SLC4A5: variants seen among roughly 807,000 people sequenced by gnomAD.
SLC4A5 encodes the protein electrogenic sodium bicarbonate cotransporter 4.
SLC4A5 carries 96 observed loss-of-function variants against 120.4 expected under a neutral mutation model. The observed-to-expected ratio is 0.80, with a 90% CI of 0.68 to 0.94. The LOEUF (loss-of-function observed/expected upper bound fraction) is 0.94, where lower values mean the gene tolerates loss of function less well. Among genes scored for constraint, SLC4A5 ranks in the 40% least tolerant of loss-of-function variants. The pLI is 0.00. For synonymous variants in SLC4A5, 550 were observed against 571.1 expected (o/e 0.96, Z 0.53); for missense variants, 1,259 against 1,459.5 (o/e 0.86, Z 2.24).
intron 19 of SLC4A5, among the ~76,000 whole-genome samples, chr2:74,246,096 G>A (rs1356008990): frequency 3.9e-5 from 6 of 152,224 alleles, no homozygotes; most frequent in Admixed American, 3.9e-4. Context: ...CCCACTGAAA[G>A]CTCTTAGGGG....
At chr2:74,294,187 T>G (rs1262421055) in intron 7 of SLC4A5, among the ~76,000 whole-genome samples, 5 of 152,118 alleles carry the variant, frequency 3.3e-5, no homozygotes. Context: ...GAAATTCAGG[T>G]AAGAGATCCC....
intron 12 of SLC4A5, among the ~76,000 whole-genome samples, chr2:74,256,809 T>C (rs1270327354): frequency 1.3e-5 from 2 of 152,226 alleles, no homozygotes; most frequent in Non-Finnish European, 2.9e-5. Flanking sequence ...AGCAAGGGCA[T>C]GGACAGACAA....
At chr2:74,242,084 C>G in intron 19 of SLC4A5, 32 bp from the exon 20 acceptor site, 1 of 1,592,746 alleles carries the variant, frequency 6.3e-7, no homozygotes, top group Non-Finnish European at 8.6e-7. Context: ...GGGGCAGGGT[C>G]AGCAGCTGTG....
exon 16 of SLC4A5, chr2:74,252,369 C>T (rs566298347): frequency 5.0e-6 from 8 of 1,613,352 alleles, no homozygotes; most frequent in Non-Finnish European, 6.8e-6. Context: ...CCCAGCTCTG[C>T]TAGGGAGAAC....
chr2:74,232,608 T>C (rs368472817), exon 24 of SLC4A5: 36 of 1,613,712 alleles, frequency 2.2e-5, no homozygotes, highest in Non-Finnish European at 2.7e-5. Flanking sequence ...GCCATGAGGA[T>C]GCCCACCCAG....
chr2:74,250,956 C>G (rs1440332254), intron 16 of SLC4A5, among the ~76,000 whole-genome samples: 1 of 152,170 alleles, frequency 6.6e-6, no homozygotes, highest in East Asian at 1.9e-4. Flanking sequence ...AACCTTATAA[C>G]TGGTTGGTAT....
chr2:74,314,639 A>G (rs1672906809), intron 6 of SLC4A5, among the ~76,000 whole-genome samples: 2 of 152,164 alleles, frequency 1.3e-5, no homozygotes, highest in Admixed American at 1.3e-4. Context: ...TTAATATAAA[A>G]TGTTGATATT....
chr2:74,301,695 G>C (rs939718869), intron 7 of SLC4A5, among the ~76,000 whole-genome samples: 1 of 152,228 alleles, frequency 6.6e-6, no homozygotes, highest in Non-Finnish European at 1.5e-5. Context: ...TGTGGCAAGA[G>C]CAAGGTTTAT....
At position 74,272,012 on chromosome 2, in the gene SLC4A5, G is replaced by C. The variant is rs115104980; in HGVS notation, c.402-6748C>G. ...GTAGGAGGATTAAGTCCAGGAGTTTGAGGCTGCAGTGAGCTGTGATCGCAC... is the reference window on the plus strand; with the variant it reads ...GTAGGAGGATTAAGTCCAGGAGTTTCAGGCTGCAGTGAGCTGTGATCGCAC... On this transcript the variant is annotated intron_variant, in intron 8 of 30. Coordinates refer to ENST00000394019, the Ensembl canonical transcript of SLC4A5. Among the ~76,000 whole-genome samples, 1,223 of 152,282 alleles carry C rather than the reference G, an allele frequency of 8.0e-3. 17 individuals are homozygous for C. The highest frequency in any genetic ancestry group is 0.028 in the African/African-American group (1,147 of 41,550).
rs777729420 is a variant in SLC4A5, at chr2:74,222,902, T to C, written c.3297A>G (p.Gln1099=). The C allele has an allele frequency of 3.0e-5, 49 of 1,613,746 alleles. No homozygotes were observed. In the Middle Eastern group the frequency reaches 4.9e-4, roughly 16 times the overall value. The change falls in exon 29 of 31, where the codon CAA becomes CAG. Residue 1099 remains glutamine (Q), a synonymous_variant. Coordinates refer to ENST00000394019, the Ensembl canonical transcript of SLC4A5. ...AGTGGATACCGTTTTGGGGATCTGA[T>C]TGGACACTTTCCATGGGAATCTTTA...
intron 30 of SLC4A5, among the ~76,000 whole-genome samples, chr2:74,220,540 G>C (rs1273660706): frequency 4.0e-5 from 6 of 151,812 alleles, no homozygotes; most frequent in Admixed American, 3.3e-4. Context: ...TTTTTGAGAT[G>C]GAGTCTTGCT....
intron 4 of SLC4A5, among the ~76,000 whole-genome samples, chr2:74,328,493 C>T (rs1182786289): frequency 2.0e-5 from 3 of 152,314 alleles, no homozygotes; most frequent in East Asian, 3.8e-4. Flanking sequence ...TTTTATCTCC[C>T]TGCATAGTTT....
chr2:74,235,077 C>T (rs1222398720), intron 22 of SLC4A5, 24 bp downstream of exon 22: 1 of 1,584,472 alleles, frequency 6.3e-7, no homozygotes, highest in Non-Finnish European at 8.7e-7. Flanking sequence ...GACTGGATGC[C>T]CAGAGCGAGG....
chr2:74,280,487 A>G (rs1671778660), intron 8 of SLC4A5, among the ~76,000 whole-genome samples: 2 of 152,172 alleles, frequency 1.3e-5, no homozygotes, highest in South Asian at 4.1e-4. Context: ...CTTGCAGATA[A>G]TAAATATTAG....
chr2:74,252,270 C>T, exon 16 of SLC4A5: 2 of 1,608,314 alleles, frequency 1.2e-6, no homozygotes. Context: ...CCGCCACTGC[C>T]AGCCCCGCCG....
chr2:74,304,455 T>G (rs746468950), intron 7 of SLC4A5, 34 bp downstream of exon 7: 2 of 1,573,330 alleles, frequency 1.3e-6, no homozygotes, highest in East Asian at 2.3e-5. Flanking sequence ...ACCAGCAGGA[T>G]GGCTCCCCAG....
intron 5 of SLC4A5, among the ~76,000 whole-genome samples, chr2:74,324,686 A>AT (rs1673177256): frequency 6.6e-6 from 1 of 151,858 alleles, no homozygotes; most frequent in Admixed American, 6.6e-5. Context: ...TGAGTAACAG[A>AT]TTTTTTTTCC....
rs191497071 is a variant in SLC4A5, at chr2:74,250,521, C to A, written c.1479-4G>T. 1.7e-4 allele frequency: 271 copies of A among 1,614,162 alleles called. No individual in the cohort carries two copies. In the African/African-American group the frequency reaches 3.5e-3, roughly 21 times the overall value. On this transcript the variant is annotated splice_region_variant and splice_polypyrimidine_tract_variant and intron_variant, in intron 16 of 30. Coordinates refer to ENST00000394019, the Ensembl canonical transcript of SLC4A5. ...CAGACACAGGCCACCGAAGAACCTG[C>A]TCAAGACAGGCCCAGGGGCTGCTTT...
At chr2:74,280,246 C>T (rs1303760204) in intron 8 of SLC4A5, among the ~76,000 whole-genome samples, 1 of 152,158 alleles carries the variant, frequency 6.6e-6, no homozygotes, top group Non-Finnish European at 1.5e-5. Flanking sequence ...TCCCTACCCT[C>T]TCCTGGCTAA....
Sources: gnomAD v4.1 joint callset for allele counts (sites outside exome capture counted in the v4.1 genomes callset) on GRCh38, gnomAD v4.1.1 for gene constraint, MANE v1.5 for transcripts, NCBI Gene and HGNC (gene_info 2026-07-23, HGNC 2026-07-21) for gene names.